The following PXDNL variants were observed in gnomAD, a reference collection of about 807,000 sequenced individuals.
The protein encoded by PXDNL is probable oxidoreductase PXDNL.
PXDNL carries 145 observed loss-of-function variants against 150.8 expected under a neutral mutation model. The ratio of observed to expected loss-of-function variants is 0.96; its 90% CI spans 0.84 to 1.10. PXDNL has a LOEUF of 1.10. PXDNL is among the 50% of genes least tolerant of loss of function. PXDNL has a pLI of 0.00. For synonymous variants in PXDNL, 757 were observed against 725.7 expected (o/e 1.04, Z -0.69); for missense variants, 2,087 against 1,873.9 (o/e 1.11, Z -2.10).
At chr8:51,796,588 T>C (rs761869628) in intron 1 of PXDNL, among the ~76,000 whole-genome samples, 1 of 152,128 alleles carries the variant, frequency 6.6e-6, no homozygotes, top group Non-Finnish European at 1.5e-5. Flanking sequence ...AATGGTTAAA[T>C]TCCTAGACAC....
chr8:51,607,230 C>T (rs1203412073), intron 2 of PXDNL, among the ~76,000 whole-genome samples: 3 of 152,140 alleles, frequency 2.0e-5, no homozygotes, highest in Non-Finnish European at 4.4e-5. Flanking sequence ...GAAGCACTTT[C>T]CTAAACCCTT....
At chr8:51,394,036 T>A (rs1236093771) in intron 17 of PXDNL, among the ~76,000 whole-genome samples, 1 of 152,234 alleles carries the variant, frequency 6.6e-6, no homozygotes, top group Non-Finnish European at 1.5e-5. Context: ...AAAACCTGCA[T>A]TCTCCAGTTG....
intron 12 of PXDNL, among the ~76,000 whole-genome samples, chr8:51,445,683 G>C (rs1219120206): frequency 1.3e-5 from 2 of 152,148 alleles, no homozygotes; most frequent in Non-Finnish European, 2.9e-5. Flanking sequence ...AGGCTCTTTA[G>C]TGTCCTTACC....
At chr8:51,632,777 A>G (rs1393373849) in intron 2 of PXDNL, among the ~76,000 whole-genome samples, 2 of 152,322 alleles carry the variant, frequency 1.3e-5, no homozygotes, top group African/African-American at 4.8e-5. Flanking sequence ...TATCTTCCCT[A>G]ACCAAATAGA....
intron 2 of PXDNL, among the ~76,000 whole-genome samples, chr8:51,613,793 CCTT>C (rs1814073315): frequency 6.6e-6 from 1 of 152,156 alleles, no homozygotes. Flanking sequence ...GCTTGTTCAT[CCTT>C]ACATCAAGGG....
chr8:51,681,431 C>T (rs1815748953), intron 1 of PXDNL, among the ~76,000 whole-genome samples: 1 of 152,230 alleles, frequency 6.6e-6, no homozygotes, highest in East Asian at 1.9e-4. Flanking sequence ...AAATGGGTAT[C>T]TGGCTCCCTG....
At chr8:51,683,284 A>G (rs1382229947) in intron 1 of PXDNL, among the ~76,000 whole-genome samples, 1 of 145,708 alleles carries the variant, frequency 6.9e-6, no homozygotes, top group Non-Finnish European at 1.5e-5. Context: ...TTGAGGCGAT[A>G]CCTCACTGTG....
intron 2 of PXDNL, among the ~76,000 whole-genome samples, chr8:51,648,141 C>T (rs765926448): frequency 5.3e-5 from 8 of 152,200 alleles, no homozygotes; most frequent in East Asian, 1.9e-4. Flanking sequence ...ACTCTCATTA[C>T]GACTATTACT....
At position 51,439,965 on chromosome 8, in the gene PXDNL, C is replaced by A. The variant is rs1052834441; in HGVS notation, c.1525+7039G>T. On this transcript the variant is annotated intron_variant, in intron 12 of 22. Coordinates refer to ENST00000356297, the MANE Select transcript of PXDNL (RefSeq NM_144651.5). ...TGCAGGTTTATAACAGCACAATTTG[C>A]AATTGCAAAAATATGAAACCAGCCC... is the stretch of plus-strand genomic sequence containing the variant. Among the ~76,000 whole-genome samples the A allele has an allele frequency of 1.8e-4, 27 of 151,770 alleles. 1 individual carries two copies. The highest frequency in any genetic ancestry group is 2.0e-4 in the Admixed American group (3 of 15,222).
At chr8:51,638,461 A>C (rs1190538521) in intron 2 of PXDNL, among the ~76,000 whole-genome samples, 1 of 152,200 alleles carries the variant, frequency 6.6e-6, no homozygotes, top group Non-Finnish European at 1.5e-5. Context: ...GACCCATCTC[A>C]CGTGCAGAGA....
chr8:51,379,075 C>T (rs568073900), intron 17 of PXDNL, among the ~76,000 whole-genome samples: 4 of 152,254 alleles, frequency 2.6e-5, no homozygotes, highest in African/African-American at 9.6e-5. Flanking sequence ...TTCTTCTGTC[C>T]TTCCCATTTT....
intron 12 of PXDNL, among the ~76,000 whole-genome samples, chr8:51,443,050 G>A (rs1057470417): frequency 8.5e-5 from 13 of 152,220 alleles, no homozygotes; most frequent in Non-Finnish European, 7.4e-5. Flanking sequence ...CTACAGCCAT[G>A]CCAGAGAGTC....
Position 51,409,527 on chromosome 8 carries a change from G to A in PXDNL, c.2097C>T (p.Ser699=), listed in dbSNP as rs1808565055. Residue 699 remains serine (S), a synonymous_variant, in exon 17 of 23, where the codon TCC becomes TCT. Coordinates refer to ENST00000356297, the MANE Select transcript of PXDNL (RefSeq NM_144651.5). ...CAGATAAATTGGCGATGAGGCTGAG[G>A]GAGCGCGGGGACACCAAGTCATTGT... The part of the protein sequence containing the change: ...FRYNDLVSPR[S]LSLIANLSGC... The A allele has an allele frequency of 1.2e-6, 2 of 1,603,064 alleles. No homozygotes were observed. The highest frequency in any genetic ancestry group is 1.3e-5 in the African/African-American group (1 of 74,638).
At chr8:51,779,311 C>G (rs1347275243) in intron 1 of PXDNL, among the ~76,000 whole-genome samples, 1 of 152,186 alleles carries the variant, frequency 6.6e-6, no homozygotes, top group East Asian at 1.9e-4. Context: ...ATATCATGAT[C>G]TGACGGCGAG....
chr8:51,519,692 C>T (rs1265426572), intron 4 of PXDNL, among the ~76,000 whole-genome samples: 3 of 152,130 alleles, frequency 2.0e-5, no homozygotes, highest in Non-Finnish European at 2.9e-5. Context: ...CAAGAGAGTT[C>T]ATCAATAACA....
At chr8:51,390,060 C>T (rs528594272) in intron 17 of PXDNL, among the ~76,000 whole-genome samples, 3 of 151,864 alleles carry the variant, frequency 2.0e-5, no homozygotes, top group South Asian at 2.1e-4. Flanking sequence ...GCCATGCCCC[C>T]CCCACCAAAA....
At chr8:51,744,077 GGAAGGAAGGAAGGAAGGAAAGAAAGAAA>G (rs1203383196) in intron 1 of PXDNL, among the ~76,000 whole-genome samples, 6 of 47,542 alleles carry the variant, frequency 1.3e-4, no homozygotes, top group African/African-American at 4.8e-4. Flanking sequence ...AAGGAAGGAA[GGAAGGAAGGAAGGAAGGAAAGAAAGAAA>G]GAAAGAAAGA....
chr8:51,595,770 C>T (rs754535866), intron 2 of PXDNL, among the ~76,000 whole-genome samples: 1 of 151,442 alleles, frequency 6.6e-6, no homozygotes, highest in Non-Finnish European at 1.5e-5. Flanking sequence ...GTCACAGCCA[C>T]AGAAAAATAT....
At chr8:51,775,927 C>T (rs535958561) in intron 1 of PXDNL, among the ~76,000 whole-genome samples, 84 of 152,240 alleles carry the variant, frequency 5.5e-4, no homozygotes, top group South Asian at 1.9e-3. Flanking sequence ...GGAGAAATAT[C>T]GCTGAATTCT....
Sources: gnomAD v4.1 joint callset for allele counts (sites outside exome capture counted in the v4.1 genomes callset) on GRCh38, gnomAD v4.1.1 for gene constraint, MANE v1.5 for transcripts, NCBI Gene and HGNC (gene_info 2026-07-23, HGNC 2026-07-21) for gene names.